Variants in CHAF1A observed in about 807,000 individuals in gnomAD.
CHAF1A encodes the protein CAF-1 subunit A.
In CHAF1A, 5 loss-of-function variants were observed where a neutral mutation model predicts 93.2. The observed-to-expected ratio is 0.05, with a 90% CI of 0.03 to 0.11. The LOEUF (loss-of-function observed/expected upper bound fraction) is 0.11. CHAF1A is among the 10% of genes least tolerant of loss of function. The pLI, the probability that CHAF1A is intolerant of heterozygous loss-of-function variation, is 1.00. For synonymous variants in CHAF1A, 504 were observed against 510.3 expected (o/e 0.99, Z 0.17); for missense variants, 1,102 against 1,259.9 (o/e 0.87, Z 1.90).
downstream of CHAF1A, chr19:4,448,163 A>G: frequency 1.5e-6 from 1 of 662,792 alleles, no homozygotes; most frequent in Non-Finnish European, 2.6e-6. Flanking sequence ...CCTTTGCCTG[A>G]GGCCTCTGGG....
intron 4 of CHAF1A, among the ~76,000 whole-genome samples, chr19:4,421,739 G>A (rs1045384708): frequency 6.6e-6 from 1 of 152,194 alleles, no homozygotes; most frequent in African/African-American, 2.4e-5. Flanking sequence ...CTGCACCACT[G>A]CACTCCACCA....
At position 4,433,031 on chromosome 19, in the gene CHAF1A, T is replaced by A; in HGVS notation, c.2204-39T>A. The A allele has an allele frequency of 1.4e-6, 2 of 1,455,374 alleles. No homozygotes were observed. The highest frequency in any genetic ancestry group is 2.3e-5 in the Admixed American group (1 of 43,556). The allele number at this position is 1,455,374 out of a possible 1,614,324, so 90.2% of individuals were successfully genotyped here. On this transcript the variant is annotated intron_variant, in intron 12 of 14. Coordinates refer to ENST00000301280, the MANE Select transcript of CHAF1A (RefSeq NM_005483.3). This position sits in a 1 kb window ranked among gnomAD's most constrained non-coding sequence, Gnocchi z 5.6. ...TTTTTGGCCTGTGGTGATGGGTGGC[T>A]CCCCAAGCCTCATGCCCACCCATGT...
Position 4,402,659 on chromosome 19 carries a change from C to A in CHAF1A, c.-104C>A, listed in dbSNP as rs768732589. ...TCCCGCCAAATACGAGCGCGGCGGC[C>A]GCGGCGGCAGCAGCGGCGCGGGCGG... On this transcript the variant is annotated 5_prime_UTR_variant, in exon 1 of 15. Transcript: ENST00000301280. 136 of 492,108 alleles carry A rather than the reference C, an allele frequency of 2.8e-4. No individual in the cohort carries two copies. The highest frequency in any genetic ancestry group is 7.1e-4 in the Middle Eastern group (1 of 1,412). 30.5% of individuals were successfully genotyped at this position (492,108 alleles called of 1,614,324 possible).
Position 4,430,527 on chromosome 19 carries a change from CT to C in CHAF1A, c.1855-12del, listed in dbSNP as rs3831749. The C allele has an allele frequency of 1.6e-3, 2,180 of 1,362,916 alleles. 1 individual carries two copies. Among genetic ancestry groups the C allele is most frequent in the Non-Finnish European group, 1.8e-3 (1,787 of 979,194 alleles). 84.4% of individuals were successfully genotyped at this position (1,362,916 alleles called of 1,614,324 possible). ...ACTCTGCTTTTCTATCTGATGAACT[CT>C]TTTTTTTTTCTCCTTTTGAGGATGA... On this transcript the variant is annotated intron_variant, in intron 10 of 14. Coordinates refer to ENST00000301280, the MANE Select transcript of CHAF1A (RefSeq NM_005483.3).
intron 3 of CHAF1A, among the ~76,000 whole-genome samples, chr19:4,410,775 G>T (rs1241415966): frequency 1.3e-5 from 2 of 152,188 alleles, no homozygotes; most frequent in Non-Finnish European, 2.9e-5. Flanking sequence ...CACTTGAGCT[G>T]AGGAGTTGGA....
At chr19:4,403,143 T>C (rs1291465701) in intron 1 of CHAF1A, among the ~76,000 whole-genome samples, 2 of 152,106 alleles carry the variant, frequency 1.3e-5, no homozygotes, top group Non-Finnish European at 2.9e-5. Flanking sequence ...CCCTGCAGGT[T>C]ACTGGATGCG....
chr19:4,442,856 G>C, intron 14 of CHAF1A, 69 bp from the exon 15 acceptor site: 5 of 1,186,694 alleles, frequency 4.2e-6, no homozygotes, highest in South Asian at 1.6e-5. Context: ...GAGGCAGCAG[G>C]GTGGGGTCTT....
intron 3 of CHAF1A, among the ~76,000 whole-genome samples, chr19:4,412,242 T>TAGC (rs1257850572): frequency 6.6e-6 from 1 of 152,224 alleles, no homozygotes; most frequent in Non-Finnish European, 1.5e-5. Flanking sequence ...GTGAGCCATT[T>TAGC]AGCAAGAACG....
At chr19:4,429,197 AAAAAT>A (rs1974137337) in intron 8 of CHAF1A, 1 of 599,800 alleles carries the variant, frequency 1.7e-6, no homozygotes. Flanking sequence ...CTCCCTTGCT[AAAAAT>A]GCTCTGGGGC....
chr19:4,430,734 C>G, intron 11 of CHAF1A, 93 bp downstream of exon 11: 1 of 1,315,932 alleles, frequency 7.6e-7, no homozygotes. Context: ...ACGGGGGTCC[C>G]AGCCCAACCA....
At chr19:4,446,072 G>A (rs376743195), downstream of CHAF1A, 12 of 1,612,594 alleles carry the variant, frequency 7.4e-6, no homozygotes, top group African/African-American at 1.6e-4. Context: ...TTCAAGGCCA[G>A]GTTCTCGTCC....
At position 4,433,466 on chromosome 19, in the gene CHAF1A, T is replaced by A; in HGVS notation, c.2600T>A (p.Ile867Asn). The change falls in exon 13 of 15, where the codon ATC (isoleucine) becomes AAC (asparagine). Residue 867 changes from isoleucine to asparagine, a missense_variant. Physicochemically the swap from Ile to Asn is moderately radical, Grantham distance 149 (BLOSUM62 -3). Around this residue, in one of 6 missense-constraint regions of CHAF1A, gnomAD observed 76 missense variants for 129.8 expected, o/e 0.59. Transcript: ENST00000301280. This position sits in a 1 kb window ranked among gnomAD's most constrained non-coding sequence, Gnocchi z 5.6. ...PSTGPSQGTPISLKRKSAGSM... is the reference protein window; with the variant it reads ...PSTGPSQGTPNSLKRKSAGSM... Reference sequence around the variant, plus strand: ...ACGGGGCCCAGCCAGGGCACTCCCATCTCGCTGAAGAGGAAGTCAGCGGGC... The same window carrying A: ...ACGGGGCCCAGCCAGGGCACTCCCAACTCGCTGAAGAGGAAGTCAGCGGGC... The A allele has an allele frequency of 1.2e-6, 2 of 1,601,168 alleles. No homozygotes were observed. The highest frequency in any genetic ancestry group is 1.7e-6 in the Non-Finnish European group (2 of 1,169,626).
chr19:4,424,685 A>G (rs945482289), intron 7 of CHAF1A, among the ~76,000 whole-genome samples: 1 of 152,110 alleles, frequency 6.6e-6, no homozygotes, highest in South Asian at 2.1e-4. Flanking sequence ...CCCAGGCTGC[A>G]GTACAGTGGT....
rs770871515 is a variant in CHAF1A, at chr19:4,431,983, G to T, written c.1979G>T (p.Arg660Leu). Residue 660 changes from arginine (R) to leucine (L), a missense_variant, in exon 12 of 15, where the codon CGC becomes CTC. Transcript: ENST00000301280. ...ECADPENHKV[R>L]QKLKAKEWDE... ...GCCGACCCTGAGAACCATAAGGTCCGCCAGAAACTGAAGGCCAAGGAGTGG... is the reference window on the plus strand; with the variant it reads ...GCCGACCCTGAGAACCATAAGGTCCTCCAGAAACTGAAGGCCAAGGAGTGG... 5 of 1,612,760 alleles carry T rather than the reference G, an allele frequency of 3.1e-6. No individual in the cohort carries two copies. The highest frequency in any genetic ancestry group is 1.3e-5 in the African/African-American group (1 of 74,860).
At position 4,429,579 on chromosome 19, in the gene CHAF1A, C is replaced by T. The variant is rs757449357; in HGVS notation, c.1746C>T (p.Arg582=). 1.8e-5 allele frequency: 29 copies of T among 1,613,940 alleles called. No homozygotes were observed. In the East Asian group the frequency reaches 3.8e-4, roughly 21 times the overall value. ...GTWNKKTALI[R]ARDPWAQDTK... ...GGAATAAGAAGACGGCACTCATCCG[C>T]GCGCGAGACCCCTGGGCCCAGGACA... Residue 582 remains arginine, a synonymous_variant, in exon 9 of 15, where the codon CGC becomes CGT. Transcript: ENST00000301280.
intron 10 of CHAF1A, 129 bp downstream of exon 10, chr19:4,429,917 G>T: frequency 1.3e-6 from 1 of 794,378 alleles, no homozygotes. Flanking sequence ...CCTGCTGTGT[G>T]GTCTGAAACC....
At chr19:4,429,927 C>T in intron 10 of CHAF1A, 139 bp downstream of exon 10, 1 of 703,032 alleles carries the variant, frequency 1.4e-6, no homozygotes, top group Middle Eastern at 4.2e-4. Context: ...GGTCTGAAAC[C>T]TGAACGCACC....
chr19:4,442,397 C>T (rs1974409617), intron 14 of CHAF1A, 56 bp downstream of exon 14: 3 of 1,398,392 alleles, frequency 2.1e-6, no homozygotes, highest in Non-Finnish European at 2.0e-6. Context: ...TGGAGGTAAA[C>T]CTCAACAGAG....
intron 8 of CHAF1A, chr19:4,429,214 G>A: frequency 8.2e-6 from 5 of 610,186 alleles, no homozygotes; most frequent in East Asian, 2.8e-5. Flanking sequence ...CTCTGGGGCT[G>A]CACCTGGGCA....
Sources: allele counts gnomAD v4.1 joint callset (sites outside exome capture counted in the v4.1 genomes callset), GRCh38; gene constraint gnomAD v4.1.1; regional missense constraint gnomAD v4.1.1; non-coding constraint Gnocchi (gnomAD v3.1); transcripts MANE v1.5; gene names NCBI Gene and HGNC (gene_info 2026-07-23, HGNC 2026-07-21).